The following ZNF407 variants were observed in gnomAD, a reference collection of about 807,000 sequenced individuals.
ZNF407 encodes zinc finger protein 407.
A neutral mutation model predicts 131.2 loss-of-function variants in ZNF407; 17 were observed. The ratio of observed to expected loss-of-function variants is 0.13; its 90% CI spans 0.09 to 0.19. The LOEUF (loss-of-function observed/expected upper bound fraction) is 0.19. ZNF407 is among the 10% of genes least tolerant of loss of function. The pLI is 1.00. For synonymous variants in ZNF407, 1,156 were observed against 1,062.0 expected (o/e 1.09, Z -1.72); for missense variants, 2,681 against 2,830.6 (o/e 0.95, Z 1.20).
intron 8 of ZNF407, among the ~76,000 whole-genome samples, chr18:75,034,601 G>A (rs1201593209): frequency 6.6e-6 from 1 of 151,188 alleles, no homozygotes; most frequent in Non-Finnish European, 1.5e-5. Flanking sequence ...TGCGCCCGGC[G>A]GGTTTTTTTT....
chr18:74,815,938 G>A (rs944749716), intron 4 of ZNF407, among the ~76,000 whole-genome samples: 6 of 152,118 alleles, frequency 3.9e-5, no homozygotes, highest in African/African-American at 1.2e-4. Context: ...TCCCAATAAC[G>A]TTTTGAGGTT....
chr18:74,712,210 G>A (rs1416503513), intron 3 of ZNF407, among the ~76,000 whole-genome samples: 3 of 152,152 alleles, frequency 2.0e-5, no homozygotes, highest in Non-Finnish European at 4.4e-5. Context: ...CAAGGCAATT[G>A]TATTTAGAAT....
At chr18:74,844,938 T>C (rs921398665) in intron 4 of ZNF407, among the ~76,000 whole-genome samples, 1 of 152,132 alleles carries the variant, frequency 6.6e-6, no homozygotes, top group African/African-American at 2.4e-5. Flanking sequence ...ATCCAACTAA[T>C]GATTGAAAAG....
intron 4 of ZNF407, among the ~76,000 whole-genome samples, chr18:74,821,778 A>G (rs1211668109): frequency 6.6e-6 from 1 of 152,064 alleles, no homozygotes; most frequent in Admixed American, 6.6e-5. Context: ...TCCTTTGGGT[A>G]TATACCCAGT....
At chr18:74,938,336 A>G (rs1356348563) in intron 8 of ZNF407, among the ~76,000 whole-genome samples, 5 of 152,170 alleles carry the variant, frequency 3.3e-5, no homozygotes, top group Admixed American at 3.3e-4. Flanking sequence ...AAAATCTACA[A>G]TGTAGACTTT....
chr18:74,693,748 G>C (rs530819), intron 3 of ZNF407, among the ~76,000 whole-genome samples: 102,777 of 151,858 alleles, frequency 0.68, 36,043 homozygotes, highest in East Asian at 0.86. Flanking sequence ...TCTCTGATCT[G>C]TGGGTGGAAT....
intron 3 of ZNF407, among the ~76,000 whole-genome samples, chr18:74,774,157 C>T (rs571068109): frequency 6.6e-6 from 1 of 152,160 alleles, no homozygotes; most frequent in South Asian, 2.1e-4. Context: ...ATCCAAGAGT[C>T]CAGATAAAGT....
intron 8 of ZNF407, among the ~76,000 whole-genome samples, chr18:74,986,087 G>A (rs909039774): frequency 1.3e-5 from 2 of 152,184 alleles, no homozygotes; most frequent in African/African-American, 4.8e-5. Context: ...ATGTCACTGT[G>A]TGTCCTCAGC....
At chr18:75,028,605 G>A (rs1973199248) in intron 8 of ZNF407, among the ~76,000 whole-genome samples, 1 of 152,168 alleles carries the variant, frequency 6.6e-6, no homozygotes, top group African/African-American at 2.4e-5. Flanking sequence ...TGATGCCACT[G>A]GGCCTCAGAC....
chr18:75,031,301 G>A (rs1327153364), intron 8 of ZNF407, among the ~76,000 whole-genome samples: 4 of 152,282 alleles, frequency 2.6e-5, no homozygotes, highest in African/African-American at 9.6e-5. Context: ...AGAATCACTG[G>A]ATTTCAATAA....
At chr18:74,699,388 AGGGGAGTGCTG>A (rs1243547891) in intron 3 of ZNF407, among the ~76,000 whole-genome samples, 1 of 152,132 alleles carries the variant, frequency 6.6e-6, no homozygotes, top group East Asian at 1.9e-4. Context: ...CCCAGAATTT[AGGGGAGTGCTG>A]GGGTCTGATA....
At chr18:74,954,043 A>G (rs1026900163) in intron 8 of ZNF407, among the ~76,000 whole-genome samples, 1 of 152,240 alleles carries the variant, frequency 6.6e-6, no homozygotes, top group Non-Finnish European at 1.5e-5. Flanking sequence ...TATTTTACAC[A>G]TATTTTAGTC....
At chr18:74,748,098 G>T (rs920458238) in intron 3 of ZNF407, among the ~76,000 whole-genome samples, 2 of 152,066 alleles carry the variant, frequency 1.3e-5, no homozygotes, top group African/African-American at 4.8e-5. Context: ...TGCTTAGTAT[G>T]TTTGTAAATA....
chr18:74,741,473 T>C (rs975837072), intron 3 of ZNF407, among the ~76,000 whole-genome samples: 2 of 152,174 alleles, frequency 1.3e-5, no homozygotes, highest in Non-Finnish European at 2.9e-5. Flanking sequence ...TTATTTGGAC[T>C]AGACTGTAAT....
intron 3 of ZNF407, among the ~76,000 whole-genome samples, chr18:74,759,536 C>T (rs183004657): frequency 2.0e-5 from 3 of 151,976 alleles, no homozygotes; most frequent in Non-Finnish European, 2.9e-5. Context: ...TTCTTCTTCT[C>T]CTTGTTATTC....
chr18:74,984,608 G>A (rs998234324), intron 8 of ZNF407, among the ~76,000 whole-genome samples: 6 of 152,158 alleles, frequency 3.9e-5, no homozygotes, highest in Admixed American at 3.9e-4. Context: ...ATAAATGGAT[G>A]TTAATAACCA....
chr18:74,877,248 G>A lies in ZNF407; in HGVS notation c.4929G>A (p.Leu1643=). The A allele has an allele frequency of 1.2e-6, 2 of 1,614,004 alleles. No homozygotes were observed. Among genetic ancestry groups the A allele is most frequent in the Non-Finnish European group, 1.7e-6 (2 of 1,179,888 alleles). The change falls in exon 5 of 9, where the codon CTG becomes CTA. Residue 1643 remains leucine, a synonymous_variant. Coordinates refer to ENST00000299687, the MANE Select transcript of ZNF407 (RefSeq NM_017757.3). Reference sequence around the variant, plus strand: ...GAAGTTTCACAGAGAAGTGGGCCCTGAACAACCACATGAAACTCCACACGG... The same window carrying A: ...GAAGTTTCACAGAGAAGTGGGCCCTAAACAACCACATGAAACTCCACACGG... ...CDRSFTEKWA[L]NNHMKLHTGE... is the part of the protein sequence containing the mutation.
At chr18:74,606,484 T>C (rs779022669) in intron 1 of ZNF407, among the ~76,000 whole-genome samples, 3 of 152,184 alleles carry the variant, frequency 2.0e-5, no homozygotes, top group African/African-American at 4.8e-5. Flanking sequence ...TCAAGCAATG[T>C]CTCCTGCCTC....
At chr18:74,845,442 T>G (rs1970689354) in intron 4 of ZNF407, among the ~76,000 whole-genome samples, 1 of 152,220 alleles carries the variant, frequency 6.6e-6, no homozygotes, top group Non-Finnish European at 1.5e-5. Context: ...ATTTAACCTT[T>G]TTCATTATAG....
Sources: gnomAD v4.1 joint callset for allele counts (sites outside exome capture counted in the v4.1 genomes callset) on GRCh38, gnomAD v4.1.1 for gene constraint, MANE v1.5 for transcripts, NCBI Gene and HGNC (gene_info 2026-07-23, HGNC 2026-07-21) for gene names.